Variants in LNPEP observed in about 807,000 individuals in gnomAD.
The protein encoded by LNPEP is leucyl and cystinyl aminopeptidase, also known as leucyl-cystinyl aminopeptidase.
In LNPEP, 64 loss-of-function variants were observed where a neutral mutation model predicts 120.6. The observed-to-expected ratio is 0.53, with a 90% CI of 0.43 to 0.65. The LOEUF (loss-of-function observed/expected upper bound fraction) is 0.65. LNPEP is among the 30% of genes least tolerant of loss of function. LNPEP has a pLI of 0.00. For missense variants in LNPEP, 1,057 were observed against 1,200.0 expected, an observed-to-expected ratio of 0.88 and a Z score of 1.76; for synonymous variants, 435 against 425.4, an observed-to-expected ratio of 1.02 and a Z score of -0.28.
At position 97,003,499 on chromosome 5, in the gene LNPEP, A is replaced by G; in HGVS notation, c.1738A>G (p.Ser580Gly). The change falls in exon 9 of 18, where the codon AGC becomes GGC. Residue 580 changes from serine (S) to glycine (G), a missense_variant. Physicochemically the swap from Ser to Gly is moderately conservative, Grantham distance 56. Coordinates refer to ENST00000231368, the MANE Select transcript of LNPEP (RefSeq NM_005575.3). ...TGTTGTCCTTTACCTGCATAATCAC[A>G]GCTATGCATCTATTCAAAGTGATGA... is the stretch of plus-strand genomic sequence containing the variant. ...HAVVLYLHNH[S>G]YASIQSDDLW... 6.2e-7 allele frequency: 1 copy of G among 1,604,888 alleles called. No individual in the cohort carries two copies. The highest frequency in any genetic ancestry group is 8.5e-7 in the Non-Finnish European group (1 of 1,172,952).
At chr5:96,945,250 A>T (rs1178410481) in intron 1 of LNPEP, among the ~76,000 whole-genome samples, 1 of 42,116 alleles carries the variant, frequency 2.4e-5, no homozygotes, top group Non-Finnish European at 5.7e-5. Flanking sequence ...ATTAAAAATT[A>T]AAAAAAAAAA....
At chr5:96,975,910 A>G (rs1287135201) in intron 1 of LNPEP, among the ~76,000 whole-genome samples, 1 of 152,142 alleles carries the variant, frequency 6.6e-6, no homozygotes, top group East Asian at 1.9e-4. Context: ...CTTAGATTAT[A>G]ACCACATGGG....
At chr5:96,986,796 A>G in intron 4 of LNPEP, 126 bp downstream of exon 4, 1 of 825,274 alleles carries the variant, frequency 1.2e-6, no homozygotes, top group Admixed American at 2.6e-5. Flanking sequence ...CTGACATTTT[A>G]TACCAGAAAT....
In LNPEP at chr5:96,936,085, G is replaced by A; in HGVS notation, c.-71G>A. The stretch of plus-strand genomic sequence containing the variant: ...AGGCCGCGCTGGGCATGCTCAGTCA[G>A]CTGGGCCGCCTCAGCTCTCGGAGTA... On this transcript the variant is annotated 5_prime_UTR_variant, in exon 1 of 18. Transcript: ENST00000231368. 1 of 1,502,900 alleles carries A rather than the reference G, an allele frequency of 6.7e-7. No individual in the cohort carries two copies. Among genetic ancestry groups the A allele is most frequent in the Admixed American group, 2.1e-5 (1 of 47,956 alleles). The allele number at this position is 1,502,900 out of a possible 1,614,324, so 93.1% of individuals were successfully genotyped here. A position where few individuals can be genotyped will look rare whatever the true frequency, so the allele number is the denominator to read the frequency against.
At position 97,037,381 on chromosome 5, in the gene LNPEP, G is replaced by A. The variant is rs889153745; in HGVS notation, c.*8848G>A. 6.6e-6 allele frequency: 1 copy of A among 151,904 alleles called. No homozygotes were observed. Among genetic ancestry groups the A allele is most frequent in the Non-Finnish European group, 1.5e-5 (1 of 67,994 alleles). The allele number at this position is 151,904 out of a possible 1,614,324, so 9.4% of individuals were successfully genotyped here. A position where few individuals can be genotyped will look rare whatever the true frequency, so the allele number is the denominator to read the frequency against. ...CAAATTGTGTTGTTTCACTTGTAAA[G>A]GGAAAAGGCTTATTTTTCTTTATAT... On this transcript the variant is annotated 3_prime_UTR_variant, in exon 18 of 18. Coordinates refer to ENST00000231368, the MANE Select transcript of LNPEP (RefSeq NM_005575.3).
At chr5:96,981,156 A>G (rs1047770267) in intron 2 of LNPEP, among the ~76,000 whole-genome samples, 2 of 152,198 alleles carry the variant, frequency 1.3e-5, no homozygotes, top group Admixed American at 6.5e-5. Context: ...CAGTATAAAT[A>G]TGTATTCTAA....
rs1031938855 is a variant in LNPEP, at chr5:97,034,727, A to G, written c.*6194A>G. 2.6e-5 allele frequency: 4 copies of G among 151,940 alleles called. No homozygotes were observed. The highest frequency in any genetic ancestry group is 2.0e-4 in the Admixed American group (3 of 15,228). 9.4% of individuals were successfully genotyped at this position (151,940 alleles called of 1,614,324 possible). ...AAAAGGCAAGATATATAATTTTTTT[A>G]ATGTATATAAATGTTTTGCTCCTTT... On this transcript the variant is annotated 3_prime_UTR_variant, in exon 18 of 18. Coordinates refer to ENST00000231368, the MANE Select transcript of LNPEP (RefSeq NM_005575.3).
At chr5:96,988,366 C>G (rs1331444931) in intron 4 of LNPEP, among the ~76,000 whole-genome samples, 1 of 122,514 alleles carries the variant, frequency 8.2e-6, no homozygotes, top group Admixed American at 9.8e-5. Flanking sequence ...GAGACAGAGT[C>G]TCGCACTGTC....
intron 1 of LNPEP, chr5:96,943,248 G>A (rs1789104040): frequency 5.0e-6 from 1 of 201,384 alleles, no homozygotes; most frequent in Non-Finnish European, 1.0e-5. Flanking sequence ...GAAAACTATA[G>A]AGAGCTATCT....
At chr5:97,022,219 G>T (rs978545273) in intron 13 of LNPEP, 81 bp from the exon 14 acceptor site, 2 of 871,552 alleles carry the variant, frequency 2.3e-6, no homozygotes, top group Admixed American at 4.9e-5. Context: ...ACGAGACACT[G>T]CACCTGGCTG....
At chr5:97,011,107 CA>C (rs761535436) in intron 11 of LNPEP, 33 of 985,226 alleles carry the variant, frequency 3.3e-5, no homozygotes, top group Non-Finnish European at 3.9e-5. Flanking sequence ...GTATGTATTT[CA>C]ATGTTTTCTG....
intron 9 of LNPEP, among the ~76,000 whole-genome samples, chr5:97,003,920 G>A (rs889949727): frequency 6.6e-6 from 1 of 151,372 alleles, no homozygotes; most frequent in Non-Finnish European, 1.5e-5. Flanking sequence ...TACCCTTTTA[G>A]TTTTTCTGCC....
intron 13 of LNPEP, among the ~76,000 whole-genome samples, chr5:97,016,101 C>T (rs1791062479): frequency 6.6e-6 from 1 of 152,058 alleles, no homozygotes; most frequent in South Asian, 2.1e-4. Flanking sequence ...AAGCTTTTCT[C>T]CCCCAAAAGT....
At chr5:96,944,443 C>G (rs938040945) in intron 1 of LNPEP, among the ~76,000 whole-genome samples, 1 of 150,476 alleles carries the variant, frequency 6.6e-6, no homozygotes, top group Admixed American at 6.6e-5. Context: ...AGACAACAAT[C>G]AATACATGTA....
At chr5:96,936,333 G>A (rs1279103064) in intron 1 of LNPEP, 159 bp downstream of exon 1, 1 of 513,648 alleles carries the variant, frequency 1.9e-6, no homozygotes, top group Non-Finnish European at 3.1e-6. Flanking sequence ...GGGGGAGGCA[G>A]GGAGGTTCGG....
intron 1 of LNPEP, among the ~76,000 whole-genome samples, chr5:96,944,537 C>T (rs1261183161): frequency 2.5e-4 from 27 of 108,206 alleles, no homozygotes; most frequent in South Asian, 3.3e-4. Context: ...CAAAGATTTT[C>T]TTTTTTGTTT....
intron 1 of LNPEP, among the ~76,000 whole-genome samples, chr5:96,955,998 T>C (rs1398335426): frequency 6.6e-6 from 1 of 152,266 alleles, no homozygotes; most frequent in Non-Finnish European, 1.5e-5. Flanking sequence ...GGTTTTTATT[T>C]GCATTTCCCT....
intron 1 of LNPEP, among the ~76,000 whole-genome samples, chr5:96,957,005 TTCTC>T (rs1789484702): frequency 6.6e-6 from 1 of 152,246 alleles, no homozygotes; most frequent in African/African-American, 2.4e-5. Context: ...TAGTTTCTAT[TTCTC>T]TGCTGAGAAT....
chr5:96,952,425 C>A (rs1478504970), intron 1 of LNPEP, among the ~76,000 whole-genome samples: 2 of 152,096 alleles, frequency 1.3e-5, no homozygotes, highest in African/African-American at 4.8e-5. Context: ...CTAGGTGTAC[C>A]CATATCACAT....
Sources: allele counts gnomAD v4.1 joint callset (sites outside exome capture counted in the v4.1 genomes callset), GRCh38; gene constraint gnomAD v4.1.1; transcripts MANE v1.5; gene names NCBI Gene and HGNC (gene_info 2026-07-23, HGNC 2026-07-21).